TBC1D9: variants seen among roughly 807,000 people sequenced by gnomAD.
The protein encoded by TBC1D9 is TBC1 domain family member 9.
A neutral mutation model predicts 132.0 loss-of-function variants in TBC1D9; 63 were observed. The observed-to-expected ratio is 0.48, with a 90% CI of 0.39 to 0.59. TBC1D9 has a LOEUF of 0.59. Ranked by LOEUF, TBC1D9 falls within the 20% of genes least tolerant of loss-of-function variation. The probability of loss-of-function intolerance (pLI) is 0.00; values close to 1 mark genes in which losing one functional copy is unlikely to be tolerated. For missense variants in TBC1D9, 1,261 were observed against 1,592.7 expected (o/e 0.79, Z 3.54); for synonymous variants, 610 against 609.9 (o/e 1.00, Z 0.00).
intron 2 of TBC1D9, among the ~76,000 whole-genome samples, chr4:140,690,016 C>T (rs906819882): frequency 6.6e-6 from 1 of 151,710 alleles, no homozygotes; most frequent in African/African-American, 2.4e-5. Flanking sequence ...GCCACAGTGC[C>T]TGGCCTGTGT....
chr4:140,731,063 T>G (rs1738582419), intron 1 of TBC1D9, among the ~76,000 whole-genome samples: 1 of 152,168 alleles, frequency 6.6e-6, no homozygotes, highest in African/African-American at 2.4e-5. Flanking sequence ...AACTTGCTTT[T>G]GAGGTTCTAG....
intron 1 of TBC1D9, among the ~76,000 whole-genome samples, chr4:140,733,013 T>C (rs1428328142): frequency 2.0e-5 from 3 of 152,206 alleles, no homozygotes; most frequent in Non-Finnish European, 4.4e-5. Flanking sequence ...GACTGTCTCC[T>C]TGACGTTAGA....
At chr4:140,689,004 G>A (rs929248460) in intron 2 of TBC1D9, among the ~76,000 whole-genome samples, 1 of 152,034 alleles carries the variant, frequency 6.6e-6, no homozygotes, top group African/African-American at 2.4e-5. Flanking sequence ...TGCCAGCCAT[G>A]AATCCTCCAC....
intron 1 of TBC1D9, among the ~76,000 whole-genome samples, chr4:140,711,799 T>G (rs1197711557): frequency 2.0e-5 from 3 of 152,160 alleles, no homozygotes; most frequent in Non-Finnish European, 4.4e-5. Flanking sequence ...TCCCAATTTG[T>G]CTAAAAAAGT....
chr4:140,660,862 G>C (rs945259955), intron 10 of TBC1D9, among the ~76,000 whole-genome samples: 1 of 152,134 alleles, frequency 6.6e-6, no homozygotes, highest in Non-Finnish European at 1.5e-5. Flanking sequence ...GCCTCTTTTA[G>C]CTTTTGCTGG....
chr4:140,664,420 GA>G (rs1435382355), intron 9 of TBC1D9, among the ~76,000 whole-genome samples: 1 of 152,174 alleles, frequency 6.6e-6, no homozygotes, highest in African/African-American at 2.4e-5. Context: ...CTCCCAAACT[GA>G]TCTACAGATT....
chr4:140,704,344 T>C (rs1050197271), intron 1 of TBC1D9, among the ~76,000 whole-genome samples: 2 of 149,104 alleles, frequency 1.3e-5, no homozygotes, highest in African/African-American at 5.0e-5. Context: ...CAGGTTGCAG[T>C]GAGCTGAGAT....
intron 1 of TBC1D9, among the ~76,000 whole-genome samples, chr4:140,717,351 AAAC>A (rs932280157): frequency 6.6e-6 from 1 of 152,198 alleles, no homozygotes; most frequent in African/African-American, 2.4e-5. Flanking sequence ...CCAGTTATAA[AAAC>A]AACAACATTT....
chr4:140,736,756 T>C (rs546094056), intron 1 of TBC1D9, among the ~76,000 whole-genome samples: 1 of 152,252 alleles, frequency 6.6e-6, no homozygotes, highest in South Asian at 2.1e-4. Context: ...GGGTTAGCCA[T>C]GCTATTCAAT....
At chr4:140,690,384 A>G (rs938308019) in intron 2 of TBC1D9, among the ~76,000 whole-genome samples, 3 of 152,028 alleles carry the variant, frequency 2.0e-5, no homozygotes, top group African/African-American at 7.2e-5. Flanking sequence ...TGTTCTCACC[A>G]CTGGCTCTTT....
chr4:140,639,259 G>A, intron 14 of TBC1D9, 71 bp downstream of exon 14: 1 of 1,472,830 alleles, frequency 6.8e-7, no homozygotes, highest in Non-Finnish European at 9.4e-7. Context: ...TGTCAGGCAG[G>A]AATCCACAGC....
rs768297413 is a variant in TBC1D9 at position 140,669,662 on chromosome 4, C to T, written c.1409G>A (p.Arg470Gln). ...TQTLMTMYRR[R>Q]SPEEFNPKLA... ...TTTCGGGTTGAACTCCTCGGGAGAC[C>T]GCCGCCGATACATGGTCATCAGGGT... Residue 470 changes from arginine to glutamine, a missense_variant, in exon 8 of 21, where the codon CGG becomes CAG. Arg to Gln is a conservative substitution (Grantham distance 43). This residue lies in a region of TBC1D9 where 550 missense variants were observed against 699.0 expected (regional missense o/e 0.79). Transcript: ENST00000442267. 11 of 1,612,374 alleles carry T rather than the reference C, an allele frequency of 6.8e-6. No individual in the cohort carries two copies. Among genetic ancestry groups the T allele is most frequent in the African/African-American group, 1.3e-5 (1 of 74,870 alleles).
chr4:140,710,104 T>G lies in TBC1D9; in HGVS notation c.131-8490A>C, dbSNP rs143971478. ...ATATAGCTTTACAGAGCACACGCAA[T>G]TCTATAACTCTCATTTGGGAAAAAA... On this transcript the variant is annotated intron_variant, in intron 1 of 20. Transcript: ENST00000442267. Among the ~76,000 whole-genome samples the G allele has an allele frequency of 3.5e-3, 532 of 152,220 alleles. 4 individuals are homozygous for G. Among genetic ancestry groups the G allele is most frequent in the African/African-American group, 0.012 (517 of 41,534 alleles).
chr4:140,724,910 TTC>T (rs1229273314), intron 1 of TBC1D9, among the ~76,000 whole-genome samples: 1 of 152,206 alleles, frequency 6.6e-6, no homozygotes, highest in East Asian at 1.9e-4. Context: ...TGATAACACA[TTC>T]TGTTTTGCAA....
chr4:140,640,072 G>C (rs183721948), intron 13 of TBC1D9, among the ~76,000 whole-genome samples: 1 of 152,216 alleles, frequency 6.6e-6, no homozygotes, highest in African/African-American at 2.4e-5. Flanking sequence ...TTAACCCATG[G>C]AAGCAGTGAC....
At chr4:140,626,844 A>G (rs886815200) in intron 18 of TBC1D9, among the ~76,000 whole-genome samples, 1 of 152,210 alleles carries the variant, frequency 6.6e-6, no homozygotes, top group Non-Finnish European at 1.5e-5. Flanking sequence ...CTGCAGCACG[A>G]AAACAGCCAT....
intron 1 of TBC1D9, among the ~76,000 whole-genome samples, chr4:140,754,813 T>G (rs1314762595): frequency 6.6e-6 from 1 of 152,052 alleles, no homozygotes; most frequent in East Asian, 1.9e-4. Context: ...AGAATCAAGA[T>G]CCTTCAAACA....
Position 140,701,641 on chromosome 4 carries a change from G to A in TBC1D9, c.131-27C>T, listed in dbSNP as rs1412999892. The A allele has an allele frequency of 1.9e-6, 3 of 1,569,998 alleles. No individual in the cohort carries two copies. In the East Asian group the frequency reaches 6.7e-5, roughly 35 times the overall value. Reference sequence around the variant, plus strand: ...TGAGGGTGGAAAGTGGGGAGAAACAGGTAAGAATTGCCTTAGTACTTTCCC... The same window carrying A: ...TGAGGGTGGAAAGTGGGGAGAAACAAGTAAGAATTGCCTTAGTACTTTCCC... On this transcript the variant is annotated intron_variant, in intron 1 of 20. Transcript: ENST00000442267.
rs372655390 is a variant in TBC1D9, at chr4:140,678,667, C to A, written c.851+275G>T. Among the ~76,000 whole-genome samples, 94 of 152,266 alleles carry A rather than the reference C, an allele frequency of 6.2e-4. 4 individuals carry two copies. In the South Asian group the frequency reaches 0.019, roughly 31 times the overall value. On this transcript the variant is annotated intron_variant, in intron 5 of 20. Transcript: ENST00000442267. ...TGAGAGGCCTTTCTTACCCACTCTTCCCCATCTGGGCTGAGGCTATCACTC... is the reference window on the plus strand; with the variant it reads ...TGAGAGGCCTTTCTTACCCACTCTTACCCATCTGGGCTGAGGCTATCACTC...
Sources: gnomAD v4.1 joint callset for allele counts (sites outside exome capture counted in the v4.1 genomes callset) on GRCh38, gnomAD v4.1.1 for gene constraint, gnomAD v4.1.1 regional missense constraint, MANE v1.5 for transcripts, NCBI Gene and HGNC (gene_info 2026-07-23, HGNC 2026-07-21) for gene names.